The following KLHL29 variants were observed in gnomAD, a reference collection of about 807,000 sequenced individuals.
KLHL29 encodes the protein kelch-like protein 29.
In KLHL29, 21 loss-of-function variants were observed where a neutral mutation model predicts 80.4. The ratio of observed to expected loss-of-function variants is 0.26; its 90% CI spans 0.19 to 0.38. The LOEUF (loss-of-function observed/expected upper bound fraction) is 0.38. Ranked by LOEUF, KLHL29 falls within the 10% of genes least tolerant of loss-of-function variation. The pLI, the probability that KLHL29 is intolerant of heterozygous loss-of-function variation, is 1.00. For synonymous variants in KLHL29, 511 were observed against 526.8 expected, an observed-to-expected ratio of 0.97 and a Z score of 0.41; for missense variants, 867 against 1,223.9, an observed-to-expected ratio of 0.71 and a Z score of 4.35.
chr2:23,649,991 G>A (rs980247463), intron 5 of KLHL29, among the ~76,000 whole-genome samples: 2 of 152,220 alleles, frequency 1.3e-5, no homozygotes, highest in East Asian at 3.9e-4. Flanking sequence ...TCACGTTGTG[G>A]TCTTAGGCAC....
intron 3 of KLHL29, among the ~76,000 whole-genome samples, chr2:23,627,858 A>AAAAAAACCAAGTTT (rs1287349208): frequency 6.6e-6 from 1 of 151,586 alleles, no homozygotes; most frequent in Non-Finnish European, 1.5e-5. Context: ...TTGCAATTTT[A>AAAAAAACCAAGTTT]AAAAAAACCA....
intron 3 of KLHL29, among the ~76,000 whole-genome samples, chr2:23,598,563 T>G (rs1381919667): frequency 6.6e-6 from 1 of 152,172 alleles, no homozygotes; most frequent in African/African-American, 2.4e-5. Flanking sequence ...CATCACCACA[T>G]AGTCACAAAA....
At chr2:23,621,070 C>G (rs900798425) in intron 3 of KLHL29, among the ~76,000 whole-genome samples, 5 of 152,238 alleles carry the variant, frequency 3.3e-5, no homozygotes, top group Non-Finnish European at 7.3e-5. Context: ...ACATCCTTGG[C>G]CGGGGGACTG....
intron 1 of KLHL29, among the ~76,000 whole-genome samples, chr2:23,458,480 T>C (rs752935178): frequency 2.0e-5 from 3 of 152,250 alleles, no homozygotes; most frequent in Non-Finnish European, 4.4e-5. Context: ...TGCTGGCCCC[T>C]GGACTATGTA....
At chr2:23,664,183 G>A (rs1444109255) in intron 5 of KLHL29, among the ~76,000 whole-genome samples, 4 of 152,124 alleles carry the variant, frequency 2.6e-5, no homozygotes, top group African/African-American at 9.7e-5. Flanking sequence ...CCATCGGAAC[G>A]TTTTAAAAAG....
intron 2 of KLHL29, among the ~76,000 whole-genome samples, chr2:23,499,328 T>C (rs1665363396): frequency 1.3e-5 from 2 of 151,874 alleles, no homozygotes; most frequent in African/African-American, 4.8e-5. Flanking sequence ...GGAGAGGAAA[T>C]TGAGGGGCCA....
intron 4 of KLHL29, among the ~76,000 whole-genome samples, chr2:23,639,600 C>T (rs573151532): frequency 7.9e-5 from 12 of 152,176 alleles, no homozygotes; most frequent in Non-Finnish European, 1.5e-5. Context: ...ACAAATTTCT[C>T]GAGTCATGCC....
intron 1 of KLHL29, among the ~76,000 whole-genome samples, chr2:23,411,872 C>G (rs1371988076): frequency 6.6e-6 from 1 of 152,110 alleles, no homozygotes; most frequent in African/African-American, 2.4e-5. Context: ...ACTAAAAGCT[C>G]TCTGGAGGAG....
Position 23,503,849 on chromosome 2 carries a change from A to C in KLHL29, c.-46+28182A>C, listed in dbSNP as rs76832595. Among the ~76,000 whole-genome samples the C allele has an allele frequency of 0.14, 21,238 of 152,176 alleles. 2,122 individuals carry two copies. Among genetic ancestry groups the C allele is most frequent in the East Asian group, 0.55 (2,835 of 5,136 alleles). On this transcript the variant is annotated intron_variant, in intron 2 of 13. Transcript: ENST00000486442. The surrounding 1 kb of genome is among the most constrained non-coding windows in gnomAD (Gnocchi z 4.0). ...TGCACACATTGCCGTCTTTGTTTAAAGAGAGGCGGAGGCAGACCCCAGGCA... is the reference window on the plus strand; with the variant it reads ...TGCACACATTGCCGTCTTTGTTTAACGAGAGGCGGAGGCAGACCCCAGGCA...
intron 1 of KLHL29, among the ~76,000 whole-genome samples, chr2:23,396,472 G>A (rs1286886208): frequency 6.6e-6 from 1 of 152,198 alleles, no homozygotes; most frequent in Non-Finnish European, 1.5e-5. Flanking sequence ...CCAATGGGAA[G>A]ACATATAAGA....
intron 2 of KLHL29, among the ~76,000 whole-genome samples, chr2:23,479,989 C>G (rs1046630273): frequency 3.9e-5 from 6 of 152,224 alleles, no homozygotes; most frequent in Non-Finnish European, 1.5e-5. Context: ...GGATTGGAGG[C>G]AAGCTCTGGA....
chr2:23,687,900 G>T (rs1206709422), intron 6 of KLHL29, among the ~76,000 whole-genome samples: 1 of 152,154 alleles, frequency 6.6e-6, no homozygotes. Context: ...GTTTTGTAAA[G>T]ATGACAGTCA....
chr2:23,679,625 T>G (rs1671019588), intron 5 of KLHL29, among the ~76,000 whole-genome samples: 1 of 152,188 alleles, frequency 6.6e-6, no homozygotes, highest in South Asian at 2.1e-4. Flanking sequence ...TATATATATG[T>G]ATGCCAGGCC....
At chr2:23,548,625 G>T (rs1417448465) in intron 2 of KLHL29, among the ~76,000 whole-genome samples, 1 of 152,240 alleles carries the variant, frequency 6.6e-6, no homozygotes, top group Non-Finnish European at 1.5e-5. Context: ...CTGACAGCCG[G>T]GGTCCTAGAG....
intron 3 of KLHL29, among the ~76,000 whole-genome samples, chr2:23,592,931 T>C (rs1668304482): frequency 6.6e-6 from 1 of 152,188 alleles, no homozygotes; most frequent in Admixed American, 6.5e-5. Context: ...CATTTGGTTT[T>C]GTAGGTCTTT....
chr2:23,430,296 T>C (rs1663132400), intron 1 of KLHL29, among the ~76,000 whole-genome samples: 1 of 152,200 alleles, frequency 6.6e-6, no homozygotes, highest in Non-Finnish European at 1.5e-5. Flanking sequence ...TTGAGAACAA[T>C]TGTACTAGTC....
rs1667161020 is a variant in KLHL29, at chr2:23,552,761, C to CTTTTTTATTTTT, written c.-45-9385_-45-9384insATTTTTTTTTTT. On this transcript the variant is annotated intron_variant, in intron 2 of 13. Coordinates refer to ENST00000486442, the MANE Select transcript of KLHL29 (RefSeq NM_052920.2). ...CACGGCTATAGCTCTGGTTTCTTTT[C>CTTTTTTATTTTT]TTTTTTTTTTTTTTTTTGAGATGGC... 2.1e-5 allele frequency among the ~76,000 whole-genome samples: 2 copies of CTTTTTTATTTTT among 95,576 alleles called. 1 individual carries two copies. Among genetic ancestry groups the CTTTTTTATTTTT allele is most frequent in the Non-Finnish European group, 3.8e-5 (2 of 52,476 alleles). 62.7% of individuals were successfully genotyped at this position (95,576 alleles called of 152,430 possible). A position where few individuals can be genotyped will look rare whatever the true frequency, so the allele number is the denominator to read the frequency against.
intron 1 of KLHL29, among the ~76,000 whole-genome samples, chr2:23,440,092 T>A (rs1321444106): frequency 6.6e-6 from 1 of 152,206 alleles, no homozygotes; most frequent in South Asian, 2.1e-4. Flanking sequence ...TTTTGATCTT[T>A]GTTGGTTTAA....
intron 3 of KLHL29, among the ~76,000 whole-genome samples, chr2:23,627,910 C>CTTTTTTTT (rs10624746): frequency 0.024 from 2,851 of 120,610 alleles, 335 homozygotes; most frequent in African/African-American, 0.089. Context: ...GGCCAGGAGT[C>CTTTTTTTT]TTTTTTTTTT....
Sources: allele counts gnomAD v4.1 joint callset (sites outside exome capture counted in the v4.1 genomes callset), GRCh38; gene constraint gnomAD v4.1.1; non-coding constraint Gnocchi (gnomAD v3.1); transcripts MANE v1.5; gene names NCBI Gene and HGNC (gene_info 2026-07-23, HGNC 2026-07-21).